The following GYPC variants were observed in gnomAD, a reference collection of about 807,000 sequenced individuals.
GYPC encodes the protein glycophorin-C.
GYPC carries 14 observed loss-of-function variants against 12.6 expected under a neutral mutation model. The observed-to-expected ratio is 1.11, with a 90% CI of 0.74 to 1.74. The LOEUF is 1.74. Ranked by LOEUF, GYPC falls within the 40% of genes most tolerant of loss-of-function variation. The probability of loss-of-function intolerance (pLI) is 0.00; values close to 1 mark genes in which losing one functional copy is unlikely to be tolerated. For synonymous variants in GYPC, 78 were observed against 62.1 expected (o/e 1.26, Z -1.20); for missense variants, 225 against 172.1 (o/e 1.31, Z -1.72).
intron 1 of GYPC, among the ~76,000 whole-genome samples, chr2:126,663,523 C>G (rs992773586): frequency 6.6e-6 from 1 of 152,228 alleles, no homozygotes; most frequent in Non-Finnish European, 1.5e-5. Flanking sequence ...GGGGCACCAG[C>G]CCCTCAACCA....
intron 1 of GYPC, among the ~76,000 whole-genome samples, chr2:126,684,583 G>T (rs1683234974): frequency 6.6e-6 from 1 of 152,178 alleles, no homozygotes; most frequent in African/African-American, 2.4e-5. Flanking sequence ...AGATCTATGG[G>T]TTCCAACAGA....
chr2:126,682,384 G>A (rs28387179), intron 1 of GYPC, among the ~76,000 whole-genome samples: 152 of 152,174 alleles, frequency 1.0e-3, no homozygotes, highest in Middle Eastern at 3.4e-3. Flanking sequence ...ACCAGACCCC[G>A]GCACAAGGGC....
chr2:126,688,809 A>G (rs1462194139), intron 1 of GYPC, among the ~76,000 whole-genome samples: 1 of 152,162 alleles, frequency 6.6e-6, no homozygotes, highest in Non-Finnish European at 1.5e-5. Flanking sequence ...AGAAAGAGGC[A>G]TCTGGCAGCT....
chr2:126,690,317 T>A lies in GYPC; in HGVS notation c.106+6T>A, dbSNP rs1447335742. On this transcript the variant is annotated splice_donor_region_variant and intron_variant, in intron 2 of 3. Coordinates refer to ENST00000259254, the MANE Select transcript of GYPC (RefSeq NM_002101.5). ...GCATACTACCACCATTGCAGGTGAG[T>A]TCTCATCACAGAGCCTCACCATAAT... The A allele has an allele frequency of 6.3e-7, 1 of 1,599,070 alleles. No homozygotes were observed. The highest frequency in any genetic ancestry group is 2.2e-5 in the East Asian group (1 of 44,778).
intron 1 of GYPC, among the ~76,000 whole-genome samples, chr2:126,660,108 G>C (rs1319109372): frequency 6.6e-6 from 1 of 152,220 alleles, no homozygotes; most frequent in Non-Finnish European, 1.5e-5. Flanking sequence ...CAAGGAGAGA[G>C]TTGCAGGGTA....
At chr2:126,672,320 G>A (rs1682874698) in intron 1 of GYPC, among the ~76,000 whole-genome samples, 1 of 152,236 alleles carries the variant, frequency 6.6e-6, no homozygotes, top group African/African-American at 2.4e-5. Context: ...GGTGGGAGCT[G>A]GGAAGGAGGA....
intron 1 of GYPC, among the ~76,000 whole-genome samples, chr2:126,667,523 C>G (rs769016368): frequency 5.4e-5 from 8 of 148,494 alleles, no homozygotes; most frequent in African/African-American, 1.2e-4. Context: ...CCTGCCTTAG[C>G]CTCCCGAGTA....
intron 1 of GYPC, among the ~76,000 whole-genome samples, chr2:126,689,576 G>A (rs1255054312): frequency 1.3e-5 from 2 of 150,994 alleles, no homozygotes; most frequent in Non-Finnish European, 2.9e-5. Flanking sequence ...TTGAGGGAGG[G>A]AGGGAGTTCT....
intron 1 of GYPC, chr2:126,685,679 G>C (rs533457893): frequency 1.6e-6 from 1 of 632,170 alleles, no homozygotes; most frequent in Non-Finnish European, 2.0e-6. Context: ...CACTGCACCC[G>C]GCCTGGTAAA....
At chr2:126,689,594 G>A (rs28609696) in intron 1 of GYPC, among the ~76,000 whole-genome samples, 38,169 of 149,180 alleles carry the variant, frequency 0.26, 5,410 homozygotes, top group African/African-American at 0.37. Context: ...TCTAGCTGTC[G>A]TGAGACTGGA....
At chr2:126,658,494 C>T (rs142534631) in intron 1 of GYPC, 8 of 152,352 alleles carry the variant, frequency 5.3e-5, no homozygotes, top group African/African-American at 1.7e-4. Context: ...GGTGGCAGAC[C>T]TGTATGTACA....
rs1332890284 is a variant in GYPC at position 126,695,248 on chromosome 2, G to T, written c.191-698G>T. 2.0e-5 allele frequency among the ~76,000 whole-genome samples: 3 copies of T among 152,160 alleles called. 1 individual carries two copies. Among genetic ancestry groups the T allele is most frequent in the Non-Finnish European group, 4.4e-5 (3 of 68,042 alleles). ...TGCCCTGTTTTCTGGGACTTTCCTGGTTTTAGAACGGAAAATCTCCAAACA... is the reference window on the plus strand; with the variant it reads ...TGCCCTGTTTTCTGGGACTTTCCTGTTTTTAGAACGGAAAATCTCCAAACA... On this transcript the variant is annotated intron_variant, in intron 3 of 3. Transcript: ENST00000259254.
chr2:126,677,726 C>A (rs764163306), intron 1 of GYPC, among the ~76,000 whole-genome samples: 16 of 152,054 alleles, frequency 1.1e-4, no homozygotes, highest in Admixed American at 8.5e-4. Flanking sequence ...CACGAGGGTC[C>A]GGGAGGGGTG....
intron 3 of GYPC, among the ~76,000 whole-genome samples, chr2:126,694,517 A>T (rs1441337946): frequency 2.0e-5 from 3 of 152,092 alleles, no homozygotes; most frequent in Non-Finnish European, 2.9e-5. Flanking sequence ...TTAATAACTC[A>T]GGAAACATCT....
chr2:126,690,358 T>C (rs770762171), intron 2 of GYPC, 47 bp downstream of exon 2: 1 of 1,358,794 alleles, frequency 7.4e-7, no homozygotes, highest in Non-Finnish European at 1.1e-6. Context: ...CTGCCGTGAC[T>C]TCAGATGAGC....
intron 1 of GYPC, among the ~76,000 whole-genome samples, chr2:126,666,174 C>T (rs933153885): frequency 2.0e-5 from 3 of 152,190 alleles, no homozygotes; most frequent in Admixed American, 2.0e-4. Context: ...TGTGACAGTC[C>T]TGCCAGCCCA....
chr2:126,666,414 C>A (rs1029685275), intron 1 of GYPC, among the ~76,000 whole-genome samples: 1 of 152,216 alleles, frequency 6.6e-6, no homozygotes, highest in Non-Finnish European at 1.5e-5. Context: ...TTGCTAGGCA[C>A]TTTCAAATCT....
intron 2 of GYPC, among the ~76,000 whole-genome samples, chr2:126,691,573 G>A (rs2280240): frequency 6.6e-6 from 1 of 151,856 alleles, no homozygotes; most frequent in African/African-American, 2.4e-5. Flanking sequence ...CACACAACCT[G>A]CCCCAAGCAC....
intron 2 of GYPC, among the ~76,000 whole-genome samples, chr2:126,691,142 G>A (rs1156483298): frequency 6.6e-6 from 1 of 152,122 alleles, no homozygotes; most frequent in Non-Finnish European, 1.5e-5. Context: ...GTGGGACTTG[G>A]GAGCAGTTTC....
Sources: allele counts gnomAD v4.1 joint callset (sites outside exome capture counted in the v4.1 genomes callset), GRCh38; gene constraint gnomAD v4.1.1; transcripts MANE v1.5; gene names NCBI Gene and HGNC (gene_info 2026-07-23, HGNC 2026-07-21).